The following SLC17A6 variants were observed in gnomAD, a reference collection of about 807,000 sequenced individuals.
The protein encoded by SLC17A6 is vesicular glutamate transporter 2.
Under a neutral mutation model 67.1 loss-of-function variants are expected in SLC17A6, and 35 were observed. The observed-to-expected ratio is 0.52, with a 90% CI of 0.40 to 0.69. The LOEUF (loss-of-function observed/expected upper bound fraction) is 0.69. Ranked by LOEUF, SLC17A6 falls within the 30% of genes least tolerant of loss-of-function variation. The probability of loss-of-function intolerance (pLI) is 0.00; values close to 1 mark genes in which losing one functional copy is unlikely to be tolerated. For synonymous variants in SLC17A6, 285 were observed against 252.3 expected (o/e 1.13, Z -1.23); for missense variants, 588 against 723.9 (o/e 0.81, Z 2.15).
chr11:22,350,772 G>A (rs925594203), intron 3 of SLC17A6, among the ~76,000 whole-genome samples: 1 of 152,096 alleles, frequency 6.6e-6, no homozygotes, highest in African/African-American at 2.4e-5. Flanking sequence ...AAGATCTTAA[G>A]TGAAATGAAA....
At chr11:22,375,951 C>T (rs779237799) in intron 9 of SLC17A6, 31 bp from the exon 10 acceptor site, 1 of 1,539,946 alleles carries the variant, frequency 6.5e-7, no homozygotes, top group Non-Finnish European at 8.8e-7. Flanking sequence ...TCAAAAATTT[C>T]TGAAGAATTT....
chr11:22,365,046 A>G (rs763282841), intron 6 of SLC17A6, among the ~76,000 whole-genome samples: 16 of 152,150 alleles, frequency 1.1e-4, no homozygotes, highest in Non-Finnish European at 1.9e-4. Context: ...GTTTTATTTA[A>G]TTGTCTGTTT....
Position 22,360,963 on chromosome 11 carries a change from C to T in SLC17A6, c.640C>T (p.Leu214=). The T allele has an allele frequency of 6.2e-7, 1 of 1,613,994 alleles. No homozygotes were observed. Residue 214 remains leucine, a synonymous_variant, in exon 5 of 12, where the codon CTG becomes TTG. Coordinates refer to ENST00000263160, the MANE Select transcript of SLC17A6 (RefSeq NM_020346.3). ...KWAPPLERSR[L]ATTSFCGSYA... ...GGCCCCACCTCTAGAGAGGAGTAGACTGGCAACCACCTCCTTTTGTGGTGA... is the reference window on the plus strand; with the variant it reads ...GGCCCCACCTCTAGAGAGGAGTAGATTGGCAACCACCTCCTTTTGTGGTGA...
intron 3 of SLC17A6, among the ~76,000 whole-genome samples, chr11:22,345,216 A>T (rs1264116845): frequency 2.0e-5 from 3 of 152,136 alleles, no homozygotes; most frequent in East Asian, 1.9e-4. Flanking sequence ...ATTTAAATAA[A>T]AAAAAAAAGC....
At chr11:22,362,373 A>G (rs1328050975) in intron 5 of SLC17A6, 1 of 335,746 alleles carries the variant, frequency 3.0e-6, no homozygotes, top group South Asian at 3.2e-5. Context: ...AAGGAGATAC[A>G]TGCTTGAGGT....
At chr11:22,372,137 A>G (rs943559511) in intron 8 of SLC17A6, among the ~76,000 whole-genome samples, 1 of 151,982 alleles carries the variant, frequency 6.6e-6, no homozygotes, top group African/African-American at 2.4e-5. Context: ...TAAATTGGGT[A>G]TCCTACAGAA....
intron 9 of SLC17A6, among the ~76,000 whole-genome samples, 171 bp downstream of exon 9, chr11:22,375,058 A>T (rs16925174): frequency 0.025 from 3,741 of 152,268 alleles, 139 homozygotes; most frequent in African/African-American, 0.085. Flanking sequence ...CATAACTCCT[A>T]GTTTTAAGTA....
chr11:22,343,119 C>T, intron 2 of SLC17A6, 128 bp from the exon 3 acceptor site: 2 of 774,222 alleles, frequency 2.6e-6, no homozygotes, highest in Non-Finnish European at 2.2e-6. Flanking sequence ...AAAATGAAGC[C>T]ACTCTTATCC....
At chr11:22,369,873 C>T (rs2593685) in intron 7 of SLC17A6, among the ~76,000 whole-genome samples, 166 bp from the exon 8 acceptor site, 103,852 of 151,704 alleles carry the variant, frequency 0.68, 36,641 homozygotes, top group African/African-American at 0.87. Flanking sequence ...TGATTATTTA[C>T]GTAGCTAAGG....
chr11:22,359,519 C>T lies in SLC17A6; in HGVS notation c.565C>T (p.Leu189Phe). 1.3e-6 allele frequency: 2 copies of T among 1,581,172 alleles called. No homozygotes were observed. The highest frequency in any genetic ancestry group is 1.8e-5 in the Admixed American group (1 of 56,528). Residue 189 changes from leucine (L) to phenylalanine (F), a missense_variant, in exon 4 of 12, where the codon CTT (leucine) becomes TTT (phenylalanine). Around this residue, in one of 4 missense-constraint regions of SLC17A6, gnomAD observed 414 missense variants for 563.4 expected, o/e 0.73. Coordinates refer to ENST00000263160, the MANE Select transcript of SLC17A6 (RefSeq NM_020346.3). ...CATCTTTGTCAGAATACTGCAGGGA[C>T]TTGTTGAGGTATGTAACTTCAGGGT... Reference protein sequence around the residue: ...CVIFVRILQGLVEGVTYPACH... With the variant: ...CVIFVRILQGFVEGVTYPACH...
chr11:22,362,843 G>A lies in SLC17A6; in HGVS notation c.748+18G>A. On this transcript the variant is annotated intron_variant, in intron 6 of 11. Transcript: ENST00000263160. Reference sequence around the variant, plus strand: ...TGTCTACGGTATGTTATATTTCTATGCAATAGAGTTAAAGGAAATGTGCAT... The same window carrying A: ...TGTCTACGGTATGTTATATTTCTATACAATAGAGTTAAAGGAAATGTGCAT... 6.3e-7 allele frequency: 1 copy of A among 1,592,000 alleles called. No homozygotes were observed. The highest frequency in any genetic ancestry group is 8.6e-7 in the Non-Finnish European group (1 of 1,160,194).
intron 8 of SLC17A6, among the ~76,000 whole-genome samples, chr11:22,373,214 G>T (rs1337306616): frequency 1.3e-5 from 2 of 152,184 alleles, no homozygotes; most frequent in East Asian, 1.9e-4. Flanking sequence ...TTAAATACTG[G>T]GTCAGAATGA....
chr11:22,366,305 A>G (rs1856111843), intron 7 of SLC17A6, among the ~76,000 whole-genome samples: 1 of 151,986 alleles, frequency 6.6e-6, no homozygotes, highest in Admixed American at 6.5e-5. Context: ...GTACTGTACA[A>G]CTAGTAACTG....
intron 2 of SLC17A6, chr11:22,342,870 C>A: frequency 4.4e-6 from 2 of 450,206 alleles, no homozygotes; most frequent in Non-Finnish European, 8.8e-6. Context: ...TCTGCATTGG[C>A]CGGATTCGTT....
At position 22,376,463 on chromosome 11, in the gene SLC17A6, G is replaced by A. The variant is rs894287795; in HGVS notation, c.1286-82G>A. The A allele has an allele frequency of 2.0e-6, 3 of 1,465,228 alleles. No homozygotes were observed. In the Admixed American group the frequency reaches 5.2e-5, roughly 25 times the overall value. 90.8% of individuals were successfully genotyped at this position (1,465,228 alleles called of 1,614,324 possible). A position where few individuals can be genotyped will look rare whatever the true frequency, so the allele number is the denominator to read the frequency against. ...TGTTCTGTACCCAGTATATTTTAAG[G>A]AGTTGTGATGTGTGGTTCTATAGGT... On this transcript the variant is annotated intron_variant, in intron 10 of 11. Transcript: ENST00000263160.
Position 22,341,510 on chromosome 11 carries a change from C to T in SLC17A6, c.87-18C>T, listed in dbSNP as rs1651274003. On this transcript the variant is annotated intron_variant, in intron 1 of 11. Coordinates refer to ENST00000263160, the MANE Select transcript of SLC17A6 (RefSeq NM_020346.3). ...CTAAGCCGCCAAGTCCTTGACTCGC[C>T]CCTGCTCTGCCGCGCAGGGTGCTGG... 7 of 1,610,852 alleles carry T rather than the reference C, an allele frequency of 4.3e-6. No individual in the cohort carries two copies. The highest frequency in any genetic ancestry group is 1.3e-5 in the African/African-American group (1 of 75,012).
At chr11:22,376,341 G>T (rs1348828078) in intron 10 of SLC17A6, among the ~76,000 whole-genome samples, 5 of 151,914 alleles carry the variant, frequency 3.3e-5, no homozygotes, top group Admixed American at 3.3e-4. Flanking sequence ...CTTCTCTGTG[G>T]AGTGAACATC....
At chr11:22,369,880 A>G (rs1206161256) in intron 7 of SLC17A6, among the ~76,000 whole-genome samples, 159 bp from the exon 8 acceptor site, 1 of 152,008 alleles carries the variant, frequency 6.6e-6, no homozygotes, top group Non-Finnish European at 1.5e-5. Context: ...TTACGTAGCT[A>G]AGGTTAACTG....
At chr11:22,363,489 G>C (rs1856075307) in intron 6 of SLC17A6, among the ~76,000 whole-genome samples, 1 of 152,134 alleles carries the variant, frequency 6.6e-6, no homozygotes, top group Non-Finnish European at 1.5e-5. Context: ...GAAAAATAAA[G>C]GAAAGCTGGA....
Sources: gnomAD v4.1 joint callset for allele counts (sites outside exome capture counted in the v4.1 genomes callset) on GRCh38, gnomAD v4.1.1 for gene constraint, gnomAD v4.1.1 regional missense constraint, MANE v1.5 for transcripts, NCBI Gene and HGNC (gene_info 2026-07-23, HGNC 2026-07-21) for gene names.